The following KCNN2 variants were observed in gnomAD, a reference collection of about 807,000 sequenced individuals.
The protein encoded by KCNN2 is small conductance calcium-activated potassium channel protein 2.
A neutral mutation model predicts 55.5 loss-of-function variants in KCNN2; 24 were observed. The observed-to-expected ratio is 0.43, with a 90% confidence interval of 0.31 to 0.61. The LOEUF is 0.61. Ranked by LOEUF, KCNN2 falls within the 20% of genes least tolerant of loss-of-function variation. The pLI is 0.08. For missense variants in KCNN2, 754 were observed against 853.6 expected, an observed-to-expected ratio of 0.88 and a Z score of 1.45; for synonymous variants, 431 against 336.1, an observed-to-expected ratio of 1.28 and a Z score of -3.09.
At chr5:114,210,704 T>C (rs1056323630) in intron 1 of KCNN2, among the ~76,000 whole-genome samples, 3 of 152,186 alleles carry the variant, frequency 2.0e-5, no homozygotes, top group South Asian at 2.1e-4. Context: ...TCAAGCCAAA[T>C]TGTAGTTATT....
intron 1 of KCNN2, among the ~76,000 whole-genome samples, chr5:114,098,264 T>C (rs1031454274): frequency 6.6e-6 from 1 of 152,044 alleles, no homozygotes; most frequent in African/African-American, 2.4e-5. Context: ...CCTTTTACCA[T>C]GTAAGGGAAC....
At chr5:114,290,402 T>A (rs1755860461) in intron 2 of KCNN2, among the ~76,000 whole-genome samples, 1 of 152,114 alleles carries the variant, frequency 6.6e-6, no homozygotes, top group Non-Finnish European at 1.5e-5. Flanking sequence ...CTTATAGTAT[T>A]ATAATCCTTT....
intron 2 of KCNN2, among the ~76,000 whole-genome samples, chr5:114,243,527 G>T (rs1343700831): frequency 6.6e-6 from 1 of 152,080 alleles, no homozygotes; most frequent in Non-Finnish European, 1.5e-5. Flanking sequence ...TAATCACTTA[G>T]TAGCTCAGTT....
chr5:114,333,496 G>A (rs1441852950), intron 2 of KCNN2, among the ~76,000 whole-genome samples: 4 of 152,054 alleles, frequency 2.6e-5, no homozygotes, highest in South Asian at 4.2e-4. Context: ...ATTTATCTGC[G>A]GTGTCATAGG....
At chr5:114,197,385 T>G (rs960354010) in intron 1 of KCNN2, among the ~76,000 whole-genome samples, 2 of 152,212 alleles carry the variant, frequency 1.3e-5, no homozygotes, top group Non-Finnish European at 2.9e-5. Flanking sequence ...CTTGTTAGTT[T>G]TCTGTCAAGT....
chr5:114,395,556 G>T (rs1442363668), intron 2 of KCNN2, among the ~76,000 whole-genome samples: 3 of 152,138 alleles, frequency 2.0e-5, no homozygotes, highest in African/African-American at 7.2e-5. Context: ...CTACAAGTGA[G>T]CTTAAAACAG....
intron 2 of KCNN2, among the ~76,000 whole-genome samples, chr5:114,374,599 CT>C (rs1285746333): frequency 6.6e-6 from 1 of 152,052 alleles, no homozygotes; most frequent in African/African-American, 2.4e-5. Context: ...GATTGTTTTG[CT>C]TTTTTATCAG....
chr5:114,315,345 G>A (rs1756479769), intron 2 of KCNN2, among the ~76,000 whole-genome samples: 1 of 151,904 alleles, frequency 6.6e-6, no homozygotes, highest in Non-Finnish European at 1.5e-5. Context: ...AGATACCAAA[G>A]AGACAAGTGT....
At chr5:114,216,826 A>G (rs1287053559) in intron 1 of KCNN2, among the ~76,000 whole-genome samples, 1 of 152,094 alleles carries the variant, frequency 6.6e-6, no homozygotes, top group Non-Finnish European at 1.5e-5. Context: ...CAGAAATAAT[A>G]CTGTCTTTGT....
intron 3 of KCNN2, among the ~76,000 whole-genome samples, chr5:114,412,282 A>G (rs775687718): frequency 6.6e-6 from 1 of 152,202 alleles, no homozygotes; most frequent in Non-Finnish European, 1.5e-5. Context: ...AAAAAATAGG[A>G]TGGTAGTTGT....
At chr5:114,178,930 A>T (rs72797668) in intron 1 of KCNN2, among the ~76,000 whole-genome samples, 13,899 of 152,216 alleles carry the variant, frequency 0.091, 802 homozygotes, top group Non-Finnish European at 0.12. Context: ...ATCTGTTTGT[A>T]GTTTAAGAGG....
At chr5:114,173,119 G>A (rs1753070096) in intron 1 of KCNN2, among the ~76,000 whole-genome samples, 1 of 151,932 alleles carries the variant, frequency 6.6e-6, no homozygotes. Context: ...TATATGGCAA[G>A]AGATAGGGGC....
At chr5:114,318,979 C>T (rs115531017) in intron 2 of KCNN2, among the ~76,000 whole-genome samples, 2,178 of 121,594 alleles carry the variant, frequency 0.018, 60 homozygotes, top group African/African-American at 0.059. Context: ...CTGAGTGAGA[C>T]ATCAGCCATG....
chr5:114,233,120 C>A (rs1250885901), intron 2 of KCNN2, among the ~76,000 whole-genome samples: 1 of 143,430 alleles, frequency 7.0e-6, no homozygotes, highest in Non-Finnish European at 1.5e-5. Flanking sequence ...CGGGGTTTCA[C>A]CGTTTTAGCC....
chr5:114,364,246 C>G (rs553977183), intron 2 of KCNN2, among the ~76,000 whole-genome samples: 2 of 152,128 alleles, frequency 1.3e-5, no homozygotes, highest in Non-Finnish European at 2.9e-5. Flanking sequence ...AAGATTTTTA[C>G]TTCTCTTCAG....
At chr5:114,387,065 CT>C (rs1252252268) in intron 2 of KCNN2, among the ~76,000 whole-genome samples, 1 of 152,126 alleles carries the variant, frequency 6.6e-6, no homozygotes, top group Non-Finnish European at 1.5e-5. Flanking sequence ...TAAAGAAAAC[CT>C]AACTTCATTG....
intron 2 of KCNN2, among the ~76,000 whole-genome samples, chr5:114,345,888 C>A (rs1418852161): frequency 6.6e-6 from 1 of 152,180 alleles, no homozygotes; most frequent in African/African-American, 2.4e-5. Context: ...TCAAGTGATT[C>A]TTCTGCCTCG....
At chr5:114,191,896 C>T (rs1020281304) in intron 1 of KCNN2, among the ~76,000 whole-genome samples, 5 of 152,134 alleles carry the variant, frequency 3.3e-5, no homozygotes, top group Admixed American at 3.3e-4. Flanking sequence ...GAAGTCCAGG[C>T]TGAGAAACCA....
intron 3 of KCNN2, among the ~76,000 whole-genome samples, chr5:114,412,755 T>C (rs1396192476): frequency 6.6e-6 from 1 of 152,234 alleles, no homozygotes; most frequent in African/African-American, 2.4e-5. Flanking sequence ...TTCCTGATGA[T>C]TTACTTAAAT....
Sources: allele counts gnomAD v4.1 joint callset (sites outside exome capture counted in the v4.1 genomes callset), GRCh38; gene constraint gnomAD v4.1.1; transcripts MANE v1.5; gene names NCBI Gene and HGNC (gene_info 2026-07-23, HGNC 2026-07-21).